Variants in ERG observed in about 807,000 individuals in gnomAD.
The protein encoded by ERG is transcriptional regulator ERG.
In ERG, 9 loss-of-function variants were observed where a neutral mutation model predicts 55.3. The observed-to-expected ratio is 0.16, with a 90% CI of 0.10 to 0.28. The LOEUF is 0.28. Among genes scored for constraint, ERG ranks in the 10% least tolerant of loss-of-function variants. The pLI, the probability that ERG is intolerant of heterozygous loss-of-function variation, is 1.00. For missense variants in ERG, 434 were observed against 631.6 expected (o/e 0.69, Z 3.35); for synonymous variants, 223 against 237.3 (o/e 0.94, Z 0.55).
chr21:38,490,900 C>A (rs189459088), intron 1 of ERG, among the ~76,000 whole-genome samples: 1 of 152,096 alleles, frequency 6.6e-6, no homozygotes, highest in Non-Finnish European at 1.5e-5. Flanking sequence ...AAGGATGCCA[C>A]GAAGAAATAC....
chr21:38,634,559 T>G (rs1330546501), intron 1 of ERG, among the ~76,000 whole-genome samples: 1 of 152,172 alleles, frequency 6.6e-6, no homozygotes, highest in East Asian at 1.9e-4. Flanking sequence ...GAGTCCAGTT[T>G]TAAGGCACAT....
Position 38,380,506 on chromosome 21 carries a change from GGAGTAA to G in ERG, c.*2891_*2896del. On this transcript the variant is annotated 3_prime_UTR_variant, in exon 10 of 10. Transcript: ENST00000288319. ...AAAGAAGACAAATCTCTTGCCAGCA[GGAGTAA>G]GATTGTACAGGAGTCTGAGTATACA... is the stretch of plus-strand genomic sequence containing the variant. 9.4e-7 allele frequency: 1 copy of G among 1,065,622 alleles called. No individual in the cohort carries two copies. The allele number at this position is 1,065,622 out of a possible 1,614,324, so 66.0% of individuals were successfully genotyped here.
intron 1 of ERG, among the ~76,000 whole-genome samples, chr21:38,656,185 C>T (rs62217514): frequency 0.7 from 106,076 of 151,864 alleles, 37,428 homozygotes; most frequent in Non-Finnish European, 0.75. Context: ...CTGGCAGCAG[C>T]CCCTACAGAT....
intron 2 of ERG, among the ~76,000 whole-genome samples, chr21:38,428,119 T>C (rs1042992508): frequency 4.6e-5 from 7 of 150,934 alleles, no homozygotes; most frequent in Non-Finnish European, 8.8e-5. Flanking sequence ...AGGTTGAGAC[T>C]GCAGTGAGCT....
chr21:38,575,993 T>A (rs1236565247), intron 1 of ERG, among the ~76,000 whole-genome samples: 1 of 152,220 alleles, frequency 6.6e-6, no homozygotes, highest in Non-Finnish European at 1.5e-5. Context: ...GACAGAAGAA[T>A]CTAGCTCAAG....
intron 1 of ERG, among the ~76,000 whole-genome samples, chr21:38,599,284 AGAGGCT>A (rs915179088): frequency 5.3e-5 from 8 of 151,972 alleles, no homozygotes; most frequent in African/African-American, 1.7e-4. Flanking sequence ...CCTGACAGAA[AGAGGCT>A]GGAGGTGTAC....
At chr21:38,548,099 G>A (rs533893853) in intron 2 of ERG, among the ~76,000 whole-genome samples, 8 of 151,846 alleles carry the variant, frequency 5.3e-5, no homozygotes, top group South Asian at 4.2e-4. Flanking sequence ...CTTCTAGCCC[G>A]TAAGGTCTAG....
chr21:38,506,076 G>A (rs1213075923), intron 2 of ERG, among the ~76,000 whole-genome samples: 7 of 151,508 alleles, frequency 4.6e-5, no homozygotes, highest in Non-Finnish European at 7.4e-5. Context: ...AGAAATACAC[G>A]TTTTAGGAGC....
chr21:38,602,414 C>T (rs8128691), intron 1 of ERG, among the ~76,000 whole-genome samples: 10,939 of 151,998 alleles, frequency 0.072, 789 homozygotes, highest in African/African-American at 0.18. Context: ...CACTGCACTC[C>T]AGCCTGGGTG....
At chr21:38,440,132 T>A (rs142118536) in intron 2 of ERG, among the ~76,000 whole-genome samples, 60 of 152,328 alleles carry the variant, frequency 3.9e-4, no homozygotes, top group African/African-American at 1.3e-3. Flanking sequence ...TGACTTCAAG[T>A]GGCATGTGCA....
chr21:38,643,505 C>T (rs1013637479), intron 1 of ERG, among the ~76,000 whole-genome samples: 2 of 152,162 alleles, frequency 1.3e-5, no homozygotes, highest in Admixed American at 6.5e-5. Context: ...ATTTCCTGTT[C>T]CTTTTATTTA....
chr21:38,612,343 T>C (rs1450020697), intron 1 of ERG, among the ~76,000 whole-genome samples: 2 of 152,214 alleles, frequency 1.3e-5, no homozygotes, highest in Non-Finnish European at 2.9e-5. Context: ...GTAATAGGAT[T>C]AGCTTTTTGA....
At chr21:38,551,233 C>A (rs989381300) in intron 2 of ERG, among the ~76,000 whole-genome samples, 2 of 151,570 alleles carry the variant, frequency 1.3e-5, no homozygotes, top group African/African-American at 4.8e-5. Context: ...TGGATCTTCT[C>A]TCTTTTTTCT....
At chr21:38,632,836 G>T (rs1164259810) in intron 1 of ERG, among the ~76,000 whole-genome samples, 3 of 152,066 alleles carry the variant, frequency 2.0e-5, no homozygotes, top group Non-Finnish European at 4.4e-5. Flanking sequence ...AGTATGGAGG[G>T]TCCTCAAAAA....
At chr21:38,586,093 T>G (rs2060062316), upstream of ERG, among the ~76,000 whole-genome samples, 1 of 151,138 alleles carries the variant, frequency 6.6e-6, no homozygotes, top group African/African-American at 2.4e-5. Flanking sequence ...TTTCCTCTTT[T>G]TAAAATATTT....
At chr21:38,513,426 G>A (rs1243562242) in intron 2 of ERG, among the ~76,000 whole-genome samples, 1 of 152,184 alleles carries the variant, frequency 6.6e-6, no homozygotes, top group South Asian at 2.1e-4. Flanking sequence ...GAAACTAAAT[G>A]GGAGGTTATG....
At chr21:38,444,531 T>C (rs944629409) in intron 2 of ERG, among the ~76,000 whole-genome samples, 5 of 152,142 alleles carry the variant, frequency 3.3e-5, no homozygotes, top group East Asian at 1.9e-4. Flanking sequence ...CCTGAATATA[T>C]ATGGGGTATT....
At chr21:38,647,847 T>G (rs1378897738) in intron 1 of ERG, among the ~76,000 whole-genome samples, 1 of 152,144 alleles carries the variant, frequency 6.6e-6, no homozygotes, top group African/African-American at 2.4e-5. Context: ...CAATGGGTAT[T>G]AAAGCACAAG....
At chr21:38,632,059 T>C (rs1260985073) in intron 1 of ERG, among the ~76,000 whole-genome samples, 3 of 152,134 alleles carry the variant, frequency 2.0e-5, no homozygotes, top group African/African-American at 7.2e-5. Context: ...TCTTGTAACA[T>C]GGCTCCCCTA....
Sources: gnomAD v4.1 joint callset for allele counts (sites outside exome capture counted in the v4.1 genomes callset) on GRCh38, gnomAD v4.1.1 for gene constraint, MANE v1.5 for transcripts, NCBI Gene and HGNC (gene_info 2026-07-23, HGNC 2026-07-21) for gene names.